The following CAPN5 variants were observed in gnomAD, a reference collection of about 807,000 sequenced individuals.
CAPN5 encodes the protein calpain 5, also known as calpain-5.
Under a neutral mutation model 73.0 loss-of-function variants are expected in CAPN5, and 54 were observed. That is an observed-to-expected ratio of 0.74 (90% confidence interval 0.59 to 0.93). CAPN5 has a LOEUF of 0.93. CAPN5 is among the 40% of genes least tolerant of loss of function. The pLI is 0.00. For synonymous variants in CAPN5, 335 were observed against 356.9 expected (o/e 0.94, Z 0.69); for missense variants, 785 against 882.9 (o/e 0.89, Z 1.41).
intron 1 of CAPN5, among the ~76,000 whole-genome samples, chr11:77,084,445 G>T (rs1950060060): frequency 6.6e-6 from 1 of 152,184 alleles, no homozygotes; most frequent in Non-Finnish European, 1.5e-5. Flanking sequence ...CTCTAGAGGT[G>T]GGGAGGGAAA....
chr11:77,116,387 G>A, intron 7 of CAPN5, 84 bp downstream of exon 7: 1 of 1,026,802 alleles, frequency 9.7e-7, no homozygotes, highest in Non-Finnish European at 1.5e-6. Flanking sequence ...GGAGTCAGGA[G>A]CCAGGCCTCT....
intron 1 of CAPN5, among the ~76,000 whole-genome samples, chr11:77,076,893 T>G (rs1949975603): frequency 6.6e-6 from 1 of 152,250 alleles, no homozygotes; most frequent in Non-Finnish European, 1.5e-5. Context: ...GTAGTGGGAT[T>G]GCTGGATCAT....
chr11:77,101,886 G>A (rs1393832014), intron 3 of CAPN5, among the ~76,000 whole-genome samples: 1 of 152,204 alleles, frequency 6.6e-6, no homozygotes, highest in Non-Finnish European at 1.5e-5. Flanking sequence ...CGGCCCCTGG[G>A]GGAAACTGAG....
chr11:77,117,174 TA>T (rs1256891013), intron 7 of CAPN5, among the ~76,000 whole-genome samples: 1 of 152,060 alleles, frequency 6.6e-6, no homozygotes, highest in Non-Finnish European at 1.5e-5. Flanking sequence ...AGGTTGAGTT[TA>T]TAGTGAGCCA....
intron 12 of CAPN5, 127 bp downstream of exon 12, chr11:77,122,839 T>C: frequency 1.6e-6 from 2 of 1,220,520 alleles, no homozygotes; most frequent in Non-Finnish European, 2.3e-6. Context: ...GCTGTCTGTC[T>C]ATCCCTGACC....
chr11:77,114,230 A>G lies in CAPN5; in HGVS notation c.507-12A>G, dbSNP rs1398539889. Reference sequence around the variant, plus strand: ...AGCATGAGCTGGGAAGTCTTTCCACATTGCTTCCCAGACTGGCAGGCTGTT... The same window carrying G: ...AGCATGAGCTGGGAAGTCTTTCCACGTTGCTTCCCAGACTGGCAGGCTGTT... On this transcript the variant is annotated splice_polypyrimidine_tract_variant and intron_variant, in intron 4 of 12. Coordinates refer to ENST00000648180, the MANE Select transcript of CAPN5 (RefSeq NM_004055.5). 3 of 1,612,778 alleles carry G rather than the reference A, an allele frequency of 1.9e-6. No homozygotes were observed. Among genetic ancestry groups the G allele is most frequent in the Non-Finnish European group, 2.5e-6 (3 of 1,178,972 alleles).
At chr11:77,103,762 G>A (rs113651280) in intron 3 of CAPN5, among the ~76,000 whole-genome samples, 2 of 152,330 alleles carry the variant, frequency 1.3e-5, no homozygotes, top group African/African-American at 2.4e-5. Context: ...GCGTCTCCAC[G>A]GGGAGTCCAG....
Position 77,125,684 on chromosome 11 carries a change from G to C in CAPN5, c.*1814G>C, listed in dbSNP as rs1301881144. ...TTCTCGATGTCTATTTCAAATCAAG[G>C]CTCCTGAGTAGGGGGTGAAGTGAGC... is the stretch of plus-strand genomic sequence containing the variant. On this transcript the variant is annotated 3_prime_UTR_variant, in exon 13 of 13. Coordinates refer to ENST00000648180, the MANE Select transcript of CAPN5 (RefSeq NM_004055.5). 2 of 150,580 alleles carry C rather than the reference G, an allele frequency of 1.3e-5. No homozygotes were observed. The highest frequency in any genetic ancestry group is 4.9e-5 in the African/African-American group (2 of 40,682). The allele number at this position is 150,580 out of a possible 1,614,324, so 9.3% of individuals were successfully genotyped here.
At chr11:77,071,399 T>C (rs1005577725) in intron 1 of CAPN5, among the ~76,000 whole-genome samples, 1 of 152,144 alleles carries the variant, frequency 6.6e-6, no homozygotes, top group Non-Finnish European at 1.5e-5. Flanking sequence ...CCTTTCAGGG[T>C]GGAGTGCAGC....
rs782555882 is a variant in CAPN5 at position 77,123,747 on chromosome 11, C to T, written c.1800C>T (p.Asp600=). The part of the protein sequence containing the change: ...EFLGQVHLKA[D]PDNLQALHTL... ...TGGGCCAGGTGCACCTAAAGGCTGA[C>T]CCGGACAACCTCCAGGCCCTGCATA... Residue 600 remains aspartate (D), a synonymous_variant, in exon 13 of 13, where the codon GAC becomes GAT. Coordinates refer to ENST00000648180, the MANE Select transcript of CAPN5 (RefSeq NM_004055.5). 5.6e-6 allele frequency: 9 copies of T among 1,613,960 alleles called. No individual in the cohort carries two copies. In the East Asian group the frequency reaches 1.8e-4, roughly 32 times the overall value.
chr11:77,115,087 A>G (rs1309147178), intron 5 of CAPN5, among the ~76,000 whole-genome samples: 2 of 152,052 alleles, frequency 1.3e-5, no homozygotes, highest in East Asian at 1.9e-4. Context: ...AAACAAAACA[A>G]TGTTCCTGAA....
At chr11:77,117,572 AAG>A (rs1555041972) in intron 7 of CAPN5, among the ~76,000 whole-genome samples, 1 of 152,170 alleles carries the variant, frequency 6.6e-6, no homozygotes, top group Non-Finnish European at 1.5e-5. Context: ...TGCCTTTAGA[AAG>A]AGTTTCTTCC....
chr11:77,096,132 CATGGAAGGGCA>C (rs1467555855), intron 3 of CAPN5, among the ~76,000 whole-genome samples: 1 of 152,152 alleles, frequency 6.6e-6, no homozygotes, highest in Non-Finnish European at 1.5e-5. Flanking sequence ...TTGTTTTCTC[CATGGAAGGGCA>C]GTGGGGGGGC....
chr11:77,081,465 G>A (rs782631979), intron 1 of CAPN5, among the ~76,000 whole-genome samples: 2 of 152,172 alleles, frequency 1.3e-5, no homozygotes, highest in Admixed American at 6.5e-5. Flanking sequence ...CATACCTGGC[G>A]GGGGTCTGGA....
At chr11:77,119,326 A>G in intron 9 of CAPN5, 174 bp downstream of exon 9, 1 of 709,804 alleles carries the variant, frequency 1.4e-6, no homozygotes, top group Non-Finnish European at 2.3e-6. Context: ...ATATTCACAG[A>G]GGGCCCAGCC....
At chr11:77,071,772 G>A in intron 1 of CAPN5, 1 of 403,518 alleles carries the variant, frequency 2.5e-6, no homozygotes, top group Non-Finnish European at 5.3e-6. Context: ...GGCATTCTGG[G>A]TTGCCATGGC....
intron 3 of CAPN5, among the ~76,000 whole-genome samples, chr11:77,096,147 G>C (rs1018752523): frequency 1.3e-5 from 2 of 152,138 alleles, no homozygotes; most frequent in African/African-American, 2.4e-5. Flanking sequence ...AAGGGCAGTG[G>C]GGGGGCTGCC....
At chr11:77,080,958 C>T (rs1565257580) in intron 1 of CAPN5, among the ~76,000 whole-genome samples, 1 of 152,198 alleles carries the variant, frequency 6.6e-6, no homozygotes, top group Non-Finnish European at 1.5e-5. Flanking sequence ...CTCATTCTGA[C>T]CCAACTCAGA....
At chr11:77,067,568 C>T (rs1555032304) in intron 1 of CAPN5, among the ~76,000 whole-genome samples, 1 of 151,708 alleles carries the variant, frequency 6.6e-6, no homozygotes, top group African/African-American at 2.4e-5. Flanking sequence ...CCAGCCTATC[C>T]GCTTCTTGGC....
Sources: gnomAD v4.1 joint callset for allele counts (sites outside exome capture counted in the v4.1 genomes callset) on GRCh38, gnomAD v4.1.1 for gene constraint, MANE v1.5 for transcripts, NCBI Gene and HGNC (gene_info 2026-07-23, HGNC 2026-07-21) for gene names.